CLVS1: variants seen among roughly 807,000 people sequenced by gnomAD.
The protein encoded by CLVS1 is clavesin 1, also known as clavesin-1.
In CLVS1, 10 loss-of-function variants were observed where a neutral mutation model predicts 33.1. That is an observed-to-expected ratio of 0.30 (90% CI 0.19 to 0.51). CLVS1 has a LOEUF of 0.51. Among genes scored for constraint, CLVS1 ranks in the 20% least tolerant of loss-of-function variants. CLVS1 has a pLI of 0.97. For missense variants in CLVS1, 343 were observed against 433.4 expected (o/e 0.79, Z 1.85); for synonymous variants, 163 against 166.1 (o/e 0.98, Z 0.14).
upstream of CLVS1, among the ~76,000 whole-genome samples, chr8:61,053,842 C>T (rs1195738549): frequency 6.6e-6 from 1 of 152,192 alleles, no homozygotes; most frequent in Non-Finnish European, 1.5e-5. Context: ...CAAATCTTGG[C>T]CACTAGCAGA....
chr8:61,202,842 TGATGATGATGAAGAA>T lies in CLVS1; in HGVS notation c.-152+70994_-152+71008del, dbSNP rs1367732946. On this transcript the variant is annotated intron_variant, in intron 2 of 2. Transcript: ENST00000522621. ...TAAAACTTGCTGCTGATGAAGATGA[TGATGATGATGAAGAA>T]GATGATGATGATGAAGATGATGATG... 232 of 996,052 alleles carry T rather than the reference TGATGATGATGAAGAA, an allele frequency of 2.3e-4. 1 individual carries two copies. The East Asian group carries it at 5.3e-3, about 23-fold the overall frequency. The allele number at this position is 996,052 out of a possible 1,614,324, so 61.7% of individuals were successfully genotyped here.
At chr8:61,414,568 C>T (rs1815357886) in intron 3 of CLVS1, among the ~76,000 whole-genome samples, 1 of 151,944 alleles carries the variant, frequency 6.6e-6, no homozygotes, top group Admixed American at 6.6e-5. Flanking sequence ...TGAGAAATGC[C>T]CTCTGTTTTG....
chr8:61,208,153 A>T (rs2129306654), intron 2 of CLVS1, among the ~76,000 whole-genome samples: 1 of 152,324 alleles, frequency 6.6e-6, no homozygotes, highest in East Asian at 1.9e-4. Flanking sequence ...TTTATTGCAC[A>T]CTGATAGATG....
intron 2 of CLVS1, among the ~76,000 whole-genome samples, chr8:61,166,136 T>A (rs73251983): frequency 8.5e-5 from 11 of 129,154 alleles, no homozygotes; most frequent in South Asian, 2.6e-4. Flanking sequence ...TATTTTATTT[T>A]TTTTTTTTTG....
chr8:61,393,847 A>G (rs1398571066), intron 3 of CLVS1, among the ~76,000 whole-genome samples: 1 of 152,012 alleles, frequency 6.6e-6, no homozygotes, highest in African/African-American at 2.4e-5. Context: ...GTCCTTGGTT[A>G]TAGTTTTGTT....
intron 2 of CLVS1, among the ~76,000 whole-genome samples, chr8:61,317,293 A>T (rs1811047398): frequency 6.6e-6 from 1 of 152,160 alleles, no homozygotes; most frequent in Admixed American, 6.5e-5. Context: ...CAGAAAGCAG[A>T]TAGGCAAGTG....
chr8:61,117,968 T>A (rs2129289279), intron 1 of CLVS1, among the ~76,000 whole-genome samples: 1 of 152,354 alleles, frequency 6.6e-6, no homozygotes, highest in African/African-American at 2.4e-5. Flanking sequence ...TCCTTGTACC[T>A]CTGGTAGACT....
chr8:61,159,025 T>A (rs11777469), intron 2 of CLVS1, among the ~76,000 whole-genome samples: 1 of 151,946 alleles, frequency 6.6e-6, no homozygotes, highest in Non-Finnish European at 1.5e-5. Context: ...TGAGCCACCA[T>A]GCTATAATTA....
chr8:61,034,745 G>C, the CLVS1 span, among the ~76,000 whole-genome samples: 5 of 152,126 alleles, frequency 3.3e-5, no homozygotes, highest in Admixed American at 2.6e-4. Flanking sequence ...ACTTGCAATG[G>C]CGGTGAAAAT....
the CLVS1 span, among the ~76,000 whole-genome samples, chr8:60,998,310 A>G: frequency 3.1e-4 from 47 of 152,232 alleles, no homozygotes; most frequent in African/African-American, 1.1e-3. Context: ...TGCCTATCCC[A>G]CTATCATCTG....
At chr8:61,174,436 AAAACAAACAAAC>A (rs144200333) in intron 2 of CLVS1, among the ~76,000 whole-genome samples, 23,254 of 150,618 alleles carry the variant, frequency 0.15, 2,039 homozygotes, top group Admixed American at 0.25. Flanking sequence ...ACTGTCTCAA[AAAACAAACAAAC>A]AAACAAACAA....
chr8:61,456,733 G>A (rs1036121765), intron 4 of CLVS1, among the ~76,000 whole-genome samples: 3 of 151,786 alleles, frequency 2.0e-5, no homozygotes, highest in East Asian at 2.0e-4. Flanking sequence ...TGGCTATCAC[G>A]GTGAAACCCC....
At chr8:61,134,436 T>C (rs1806155184) in intron 2 of CLVS1, among the ~76,000 whole-genome samples, 2 of 152,254 alleles carry the variant, frequency 1.3e-5, no homozygotes, top group South Asian at 4.1e-4. Flanking sequence ...AAATTCTAAA[T>C]GTTAAAAAAC....
At chr8:61,194,624 C>T (rs1807564607) in intron 2 of CLVS1, among the ~76,000 whole-genome samples, 1 of 151,802 alleles carries the variant, frequency 6.6e-6, no homozygotes, top group Non-Finnish European at 1.5e-5. Flanking sequence ...TTTTAACATA[C>T]ATCTTTCAAA....
chr8:61,157,261 T>C (rs1405995599), intron 2 of CLVS1, among the ~76,000 whole-genome samples: 1 of 152,148 alleles, frequency 6.6e-6, no homozygotes, highest in Non-Finnish European at 1.5e-5. Context: ...ATTAAATGAT[T>C]TTTAACAGAT....
intron 3 of CLVS1, among the ~76,000 whole-genome samples, chr8:61,407,106 G>A (rs1017814013): frequency 2.0e-5 from 3 of 152,168 alleles, no homozygotes; most frequent in East Asian, 1.9e-4. Context: ...ACATTACATC[G>A]CACATAATAA....
chr8:61,239,696 C>T (rs543944386), intron 2 of CLVS1, among the ~76,000 whole-genome samples: 1 of 152,116 alleles, frequency 6.6e-6, no homozygotes, highest in Non-Finnish European at 1.5e-5. Context: ...AAGATTACAC[C>T]ACTGCACTCC....
the CLVS1 span, among the ~76,000 whole-genome samples, chr8:60,968,516 A>C: frequency 3.2e-5 from 1 of 31,678 alleles, no homozygotes; most frequent in African/African-American, 1.7e-4. Flanking sequence ...CTCCGTTTCA[A>C]AAAAAAAAAA....
At chr8:61,449,919 C>T (rs58325626) in intron 3 of CLVS1, among the ~76,000 whole-genome samples, 20 of 152,188 alleles carry the variant, frequency 1.3e-4, no homozygotes, top group Non-Finnish European at 2.2e-4. Context: ...TGTATGACTA[C>T]TTCATCTTTG....
Sources: allele counts gnomAD v4.1 joint callset (sites outside exome capture counted in the v4.1 genomes callset), GRCh38; gene constraint gnomAD v4.1.1; transcripts MANE v1.5; gene names NCBI Gene and HGNC (gene_info 2026-07-23, HGNC 2026-07-21).